GNB4: variants seen among roughly 807,000 people sequenced by gnomAD.
GNB4 encodes G protein subunit beta 4, also known as guanine nucleotide-binding protein subunit beta-4.
Under a neutral mutation model 45.2 loss-of-function variants are expected in GNB4, and 28 were observed. The observed-to-expected ratio is 0.62, with a 90% CI of 0.46 to 0.85. The LOEUF is 0.85. Ranked by LOEUF, GNB4 falls within the 40% of genes least tolerant of loss-of-function variation. GNB4 has a pLI of 0.00. For synonymous variants in GNB4, 132 were observed against 143.7 expected (o/e 0.92, Z 0.58); for missense variants, 321 against 425.4 (o/e 0.75, Z 2.16).
rs1023173121 is a variant in GNB4, at chr3:179,420,902, G to A, written c.83C>T (p.Ala28Val). 6.3e-7 allele frequency: 1 copy of A among 1,590,544 alleles called. No individual in the cohort carries two copies. ...ACAAAACTTTACCTGAACAAGCGTT[G>A]CATCATTACATGCTTTCCGAGCATC... The part of the protein sequence containing the change: ...IQDARKACND[A>V]TLVQITSNMD... Residue 28 changes from alanine to valine, a missense_variant, in exon 3 of 10, where the codon GCA becomes GTA. Ala to Val is a moderately conservative substitution (Grantham distance 64). Coordinates refer to ENST00000232564, the MANE Select transcript of GNB4 (RefSeq NM_021629.4).
At chr3:179,490,836 C>T in the GNB4 span, among the ~76,000 whole-genome samples, 692 of 152,246 alleles carry the variant, frequency 4.5e-3, 5 homozygotes, top group African/African-American at 0.016. Context: ...ACAGACACAC[C>T]GAAAAATAAT....
chr3:179,417,640 G>T (rs182848757), intron 4 of GNB4, among the ~76,000 whole-genome samples: 72 of 152,176 alleles, frequency 4.7e-4, no homozygotes, highest in African/African-American at 1.5e-3. Flanking sequence ...CACTCGCTTG[G>T]CCTCCCAAAG....
intron 1 of GNB4, among the ~76,000 whole-genome samples, chr3:179,434,714 C>CT (rs1715399180): frequency 6.6e-6 from 1 of 151,226 alleles, no homozygotes; most frequent in South Asian, 2.1e-4. Context: ...GAGCAAAACT[C>CT]TGTCTCATTA....
the GNB4 span, among the ~76,000 whole-genome samples, chr3:179,515,846 TG>T: frequency 1.3e-5 from 2 of 151,604 alleles, no homozygotes; most frequent in Admixed American, 6.6e-5. Context: ...GAACCTAGAG[TG>T]GGAGAGATTA....
At chr3:179,440,519 AT>A (rs1350462621) in intron 1 of GNB4, among the ~76,000 whole-genome samples, 4 of 152,134 alleles carry the variant, frequency 2.6e-5, no homozygotes, top group African/African-American at 9.7e-5. Context: ...ATGTTTTATT[AT>A]TTTTTTCAAG....
the GNB4 span, among the ~76,000 whole-genome samples, chr3:179,487,000 C>T: frequency 6.6e-6 from 1 of 152,262 alleles, no homozygotes; most frequent in African/African-American, 2.4e-5. Context: ...TGTAATTAGA[C>T]AACACTTCTA....
At chr3:179,429,724 G>A (rs1715249911) in intron 1 of GNB4, among the ~76,000 whole-genome samples, 1 of 152,124 alleles carries the variant, frequency 6.6e-6, no homozygotes, top group Non-Finnish European at 1.5e-5. Context: ...CAGCACTCAA[G>A]TGGCCAAACA....
the GNB4 span, among the ~76,000 whole-genome samples, chr3:179,485,000 GTTTTGTTTT>G: frequency 8.1e-6 from 1 of 124,218 alleles, no homozygotes; most frequent in African/African-American, 3.3e-5. Context: ...AACTTTTTTC[GTTTTGTTTT>G]TTTTTTTTTT....
At chr3:179,509,835 A>G in the GNB4 span, among the ~76,000 whole-genome samples, 1 of 152,054 alleles carries the variant, frequency 6.6e-6, no homozygotes, top group Non-Finnish European at 1.5e-5. Flanking sequence ...TTCTGACTTC[A>G]GAGACAGGGC....
At chr3:179,462,174 ATGTGTGTGTGTG>A in the GNB4 span, among the ~76,000 whole-genome samples, 2 of 150,376 alleles carry the variant, frequency 1.3e-5, no homozygotes, top group Non-Finnish European at 3.0e-5. Context: ...GTGTGTGCAC[ATGTGTGTGTGTG>A]TGTGTGTGCT....
chr3:179,411,709 C>T (rs746132580), intron 8 of GNB4, among the ~76,000 whole-genome samples: 25 of 152,168 alleles, frequency 1.6e-4, no homozygotes, highest in African/African-American at 4.8e-4. Context: ...GGTTGGCCTA[C>T]GGCAAAGAGG....
intron 1 of GNB4, among the ~76,000 whole-genome samples, chr3:179,448,423 G>T (rs1217230237): frequency 6.6e-6 from 1 of 150,674 alleles, no homozygotes; most frequent in Non-Finnish European, 1.5e-5. Flanking sequence ...CAGAGTTCAA[G>T]ATTATTTTTT....
intron 1 of GNB4, among the ~76,000 whole-genome samples, chr3:179,440,280 G>A (rs772732382): frequency 6.6e-6 from 1 of 152,128 alleles, no homozygotes; most frequent in South Asian, 2.1e-4. Context: ...AAATACCCAG[G>A]TCAGGAAGGA....
chr3:179,426,288 C>T lies in GNB4; in HGVS notation c.-42-46G>A, dbSNP rs1311366303. On this transcript the variant is annotated intron_variant, in intron 1 of 9. Coordinates refer to ENST00000232564, the MANE Select transcript of GNB4 (RefSeq NM_021629.4). ...AGAGAAAGATTCAGTTCTCTACTTA[C>T]ATCTTAATCTGGTTTTACAATACTG... is the stretch of plus-strand genomic sequence containing the variant. 6 of 959,992 alleles carry T rather than the reference C, an allele frequency of 6.3e-6. 1 individual carries two copies. The East Asian group carries it at 1.5e-4, about 25-fold the overall frequency. The allele number at this position is 959,992 out of a possible 1,614,324, so 59.5% of individuals were successfully genotyped here.
chr3:179,409,064 G>A (rs374579524), intron 8 of GNB4, among the ~76,000 whole-genome samples: 1 of 150,858 alleles, frequency 6.6e-6, no homozygotes, highest in African/African-American at 2.4e-5. Flanking sequence ...CAGGGAAGTC[G>A]AGGCTGCAGT....
the GNB4 span, among the ~76,000 whole-genome samples, chr3:179,472,365 T>TC: frequency 1.1e-4 from 13 of 118,028 alleles, no homozygotes; most frequent in East Asian, 3.1e-4. Flanking sequence ...TCCTTTTCTT[T>TC]CTTTCTTTTT....
intron 5 of GNB4, among the ~76,000 whole-genome samples, chr3:179,415,419 C>T (rs1346046134): frequency 1.3e-5 from 2 of 152,098 alleles, no homozygotes; most frequent in Non-Finnish European, 2.9e-5. Flanking sequence ...AGAGAAATTT[C>T]CTCCAACATA....
chr3:179,482,538 C>A, the GNB4 span, among the ~76,000 whole-genome samples: 26 of 151,788 alleles, frequency 1.7e-4, no homozygotes, highest in South Asian at 1.5e-3. Context: ...AGATAGAATC[C>A]CTCTTTCCTT....
At chr3:179,491,935 C>G in the GNB4 span, among the ~76,000 whole-genome samples, 3 of 152,266 alleles carry the variant, frequency 2.0e-5, no homozygotes, top group Non-Finnish European at 2.9e-5. Context: ...CCATACCTGT[C>G]TGCCCCATGG....
Sources: allele counts gnomAD v4.1 joint callset (sites outside exome capture counted in the v4.1 genomes callset), GRCh38; gene constraint gnomAD v4.1.1; transcripts MANE v1.5; gene names NCBI Gene and HGNC (gene_info 2026-07-23, HGNC 2026-07-21).